RNF217: variants seen among roughly 807,000 people sequenced by gnomAD.
RNF217 encodes the protein ring finger protein 217, also known as E3 ubiquitin-protein ligase RNF217.
A neutral mutation model predicts 57.8 loss-of-function variants in RNF217; 31 were observed. That is an observed-to-expected ratio of 0.54 (90% confidence interval 0.40 to 0.72). The LOEUF (loss-of-function observed/expected upper bound fraction) is 0.72. RNF217 is among the 30% of genes least tolerant of loss of function. RNF217 has a pLI of 0.00. For synonymous variants in RNF217, 313 were observed against 294.0 expected, an observed-to-expected ratio of 1.06 and a Z score of -0.66; for missense variants, 696 against 708.3, an observed-to-expected ratio of 0.98 and a Z score of 0.20.
At chr6:124,986,873 G>A (rs1245469001) in intron 1 of RNF217, among the ~76,000 whole-genome samples, 5 of 152,060 alleles carry the variant, frequency 3.3e-5, no homozygotes, top group Admixed American at 6.6e-5. Context: ...GTAAATAATA[G>A]AATTATTTCT....
At chr6:124,990,136 C>G (rs1784506467) in intron 1 of RNF217, among the ~76,000 whole-genome samples, 1 of 152,204 alleles carries the variant, frequency 6.6e-6, no homozygotes, top group South Asian at 2.1e-4. Flanking sequence ...CACTTGACTT[C>G]AAGGACACCA....
At position 125,091,688 on chromosome 6, in the gene RNF217, A is replaced by G. The variant is rs1788956515; in HGVS notation, c.*8751A>G. The G allele has an allele frequency of 6.6e-6, 1 of 152,172 alleles. No individual in the cohort carries two copies. Among genetic ancestry groups the G allele is most frequent in the Admixed American group, 6.5e-5 (1 of 15,278 alleles). The allele number at this position is 152,172 out of a possible 1,614,324, so 9.4% of individuals were successfully genotyped here. On this transcript the variant is annotated 3_prime_UTR_variant, in exon 6 of 6. Coordinates refer to ENST00000521654, the MANE Select transcript of RNF217 (RefSeq NM_001286398.3). The stretch of plus-strand genomic sequence containing the variant: ...CCAATTAGGACAAAATTACTTTACA[A>G]AAAGCATTAAAAATAAAAGTAACTG...
chr6:125,062,461 A>G (rs1787772710), intron 3 of RNF217, among the ~76,000 whole-genome samples: 1 of 152,200 alleles, frequency 6.6e-6, no homozygotes, highest in East Asian at 1.9e-4. Flanking sequence ...AAAAATATAC[A>G]AACATATCTA....
rs561898071 is a variant in RNF217, at chr6:125,057,143, C to T, written c.1117-799C>T. 3.9e-5 allele frequency among the ~76,000 whole-genome samples: 6 copies of T among 152,302 alleles called. No homozygotes were observed. In the East Asian group the frequency reaches 1.2e-3, roughly 29 times the overall value. ...TTTAAATGCTGCTTCATAGCAAATG[C>T]TGTTCTAGCAGTTTGTTTGTTACTG... On this transcript the variant is annotated intron_variant, in intron 2 of 5. Transcript: ENST00000521654.
chr6:125,072,162 T>C (rs1428866298), intron 3 of RNF217, among the ~76,000 whole-genome samples: 3 of 152,196 alleles, frequency 2.0e-5, no homozygotes, highest in Non-Finnish European at 4.4e-5. Context: ...AATTACAACT[T>C]GCTTAGCAAA....
intron 1 of RNF217, among the ~76,000 whole-genome samples, chr6:125,040,269 G>A (rs1786824298): frequency 6.6e-6 from 1 of 152,034 alleles, no homozygotes. Context: ...TATCACCACG[G>A]ATCCCACAGC....
chr6:125,034,408 C>G lies in RNF217; in HGVS notation c.883-10803C>G, dbSNP rs943727170. On this transcript the variant is annotated intron_variant, in intron 1 of 5. Coordinates refer to ENST00000521654, the MANE Select transcript of RNF217 (RefSeq NM_001286398.3). ...GGAAGGGATCCAGTTTCAGCTTTCT[C>G]CATATGGCTAGCCAGTTTTCCCAGC... Among the ~76,000 whole-genome samples the G allele has an allele frequency of 1.4e-4, 22 of 152,094 alleles. No individual in the cohort carries two copies. The South Asian group carries it at 4.4e-3, about 30-fold the overall frequency.
At chr6:125,036,566 A>G (rs1319818283) in intron 1 of RNF217, among the ~76,000 whole-genome samples, 2 of 152,178 alleles carry the variant, frequency 1.3e-5, no homozygotes, top group African/African-American at 2.4e-5. Context: ...AAAAGAAACT[A>G]TCATCAGAGT....
chr6:125,017,043 C>T (rs981835198), intron 1 of RNF217, among the ~76,000 whole-genome samples: 3 of 152,160 alleles, frequency 2.0e-5, no homozygotes, highest in Non-Finnish European at 4.4e-5. Context: ...GACTTGGCCC[C>T]ATGCACCTTT....
intron 1 of RNF217, among the ~76,000 whole-genome samples, chr6:124,965,822 C>T (rs1783517209): frequency 6.6e-6 from 1 of 152,130 alleles, no homozygotes; most frequent in Non-Finnish European, 1.5e-5. Context: ...TCTCTTTTTT[C>T]CTGCTTTTTA....
intron 4 of RNF217, among the ~76,000 whole-genome samples, chr6:125,077,325 T>A (rs1331806489): frequency 6.6e-6 from 1 of 152,202 alleles, no homozygotes; most frequent in Non-Finnish European, 1.5e-5. Flanking sequence ...CCATTATGTC[T>A]ATATAAGTGA....
At chr6:125,067,283 A>G (rs1478717764) in intron 3 of RNF217, among the ~76,000 whole-genome samples, 1 of 152,198 alleles carries the variant, frequency 6.6e-6, no homozygotes, top group Middle Eastern at 3.2e-3. Flanking sequence ...ACATTAAGAT[A>G]GTTGGGTTTT....
chr6:125,001,336 T>C (rs2114283564), intron 1 of RNF217, among the ~76,000 whole-genome samples: 1 of 152,296 alleles, frequency 6.6e-6, no homozygotes, highest in East Asian at 1.9e-4. Flanking sequence ...GGCTATGCTT[T>C]TGAGGTCAGT....
chr6:125,068,701 T>G (rs961009340), intron 3 of RNF217, among the ~76,000 whole-genome samples: 3 of 152,198 alleles, frequency 2.0e-5, no homozygotes, highest in African/African-American at 7.2e-5. Flanking sequence ...CCCTGTCAGA[T>G]TTTATCAATG....
At chr6:125,082,314 A>G (rs983823158) in intron 5 of RNF217, 6 of 874,130 alleles carry the variant, frequency 6.9e-6, no homozygotes, top group Non-Finnish European at 9.7e-6. Context: ...AAATAAAATG[A>G]TTTTCGTATG....
Position 125,092,492 on chromosome 6 carries a change from A to G in RNF217, c.*9555A>G, listed in dbSNP as rs915272971. The G allele has an allele frequency of 1.3e-5, 2 of 152,204 alleles. No individual in the cohort carries two copies. The highest frequency in any genetic ancestry group is 2.4e-5 in the African/African-American group (1 of 41,450). The allele number at this position is 152,204 out of a possible 1,614,324, so 9.4% of individuals were successfully genotyped here. ...AAAGACACTCACTCGGATGAAAACT[A>G]TAACGGTTTTCAAACTATTTTGATG... On this transcript the variant is annotated 3_prime_UTR_variant, in exon 6 of 6. Transcript: ENST00000521654.
chr6:125,025,301 C>A (rs540388936), intron 1 of RNF217, among the ~76,000 whole-genome samples: 1 of 152,218 alleles, frequency 6.6e-6, no homozygotes, highest in East Asian at 1.9e-4. Context: ...AATAATCTTT[C>A]ATTTGGCTTG....
chr6:125,076,693 A>T lies in RNF217; in HGVS notation c.1318A>T (p.Thr440Ser), dbSNP rs755649065. 2.2e-5 allele frequency: 36 copies of T among 1,613,208 alleles called. No homozygotes were observed. The highest frequency in any genetic ancestry group is 2.9e-5 in the Non-Finnish European group (34 of 1,179,450). ...IQRTEGCDHM[T>S]CSQCNTNFCY... ...GCGAACTGAAGGATGTGACCATATG[A>T]CCTGCTCACAATGTAACACTAATTT... Residue 440 changes from threonine (T) to serine (S), a missense_variant, in exon 4 of 6, where the codon ACC becomes TCC. This residue lies in a region of RNF217 where 231 missense variants were observed against 321.4 expected (regional missense o/e 0.72). Transcript: ENST00000521654.
rs1788897862 is a variant in RNF217, at chr6:125,090,301, C to T, written c.*7364C>T. ...GTAATTAGTAAATTCTGAGAGATGA[C>T]AGAAATGATTTTCTGTAGAAGGAAC... On this transcript the variant is annotated 3_prime_UTR_variant, in exon 6 of 6. Transcript: ENST00000521654. 1 of 151,836 alleles carries T rather than the reference C, an allele frequency of 6.6e-6. No individual in the cohort carries two copies. The highest frequency in any genetic ancestry group is 2.1e-4 in the South Asian group (1 of 4,824). 9.4% of individuals were successfully genotyped at this position (151,836 alleles called of 1,614,324 possible). A position where few individuals can be genotyped will look rare whatever the true frequency, so the allele number is the denominator to read the frequency against.
Sources: allele counts gnomAD v4.1 joint callset (sites outside exome capture counted in the v4.1 genomes callset), GRCh38; gene constraint gnomAD v4.1.1; regional missense constraint gnomAD v4.1.1; transcripts MANE v1.5; gene names NCBI Gene and HGNC (gene_info 2026-07-23, HGNC 2026-07-21).